RFWD3: variants seen among roughly 807,000 people sequenced by gnomAD.
RFWD3 encodes the protein ring finger and WD repeat domain 3, also known as E3 ubiquitin-protein ligase RFWD3.
Under a neutral mutation model 87.7 loss-of-function variants are expected in RFWD3, and 65 were observed. The observed-to-expected ratio is 0.74, with a 90% CI of 0.61 to 0.91. The LOEUF (loss-of-function observed/expected upper bound fraction) is 0.91. RFWD3 is among the 40% of genes least tolerant of loss of function. RFWD3 has a pLI of 0.00. For synonymous variants in RFWD3, 433 were observed against 352.8 expected, an observed-to-expected ratio of 1.23 and a Z score of -2.55; for missense variants, 1,078 against 938.5, an observed-to-expected ratio of 1.15 and a Z score of -1.94.
At chr16:74,639,132 G>A (rs575654375) in intron 6 of RFWD3, among the ~76,000 whole-genome samples, 9 of 150,594 alleles carry the variant, frequency 6.0e-5, no homozygotes, top group South Asian at 2.1e-4. Flanking sequence ...TCCGCCCCCC[G>A]GGTTCAAGAG....
At position 74,642,160 on chromosome 16, in the gene RFWD3, T is replaced by C. The variant is rs558435574; in HGVS notation, c.1079+2202A>G. Among the ~76,000 whole-genome samples, 5 of 152,218 alleles carry C rather than the reference T, an allele frequency of 3.3e-5. No homozygotes were observed. In the East Asian group the frequency reaches 9.7e-4, roughly 29 times the overall value. ...AAATTTGACACAGAGTCTTGCTCTG[T>C]TGCCCAGGCTGGAGTGCAGTGGCGC... On this transcript the variant is annotated intron_variant, in intron 6 of 12. Coordinates refer to ENST00000361070, the MANE Select transcript of RFWD3 (RefSeq NM_018124.4).
chr16:74,644,571 C>T lies in RFWD3; in HGVS notation c.957G>A (p.Trp319Ter), dbSNP rs1208030732. Residue 319 changes from tryptophan (W) to a stop codon, truncating the protein, a stop_gained, in exon 5 of 13, where the codon TGG becomes TGA. Transcript: ENST00000361070. LOFTEE classifies it high-confidence loss of function. Reference sequence around the variant, plus strand: ...GACATTTTCGTACTTGTCCTTTAAGCCACGTGGAAATGCACCTATACCCAA... The same window carrying T: ...GACATTTTCGTACTTGTCCTTTAAGTCACGTGGAAATGCACCTATACCCAA... ...HLFGYRCIST[W>*]LKGQVRKCPQ... 6.2e-7 allele frequency: 1 copy of T among 1,614,166 alleles called. No homozygotes were observed. Among genetic ancestry groups the T allele is most frequent in the African/African-American group, 1.3e-5 (1 of 75,024 alleles).
intron 8 of RFWD3, among the ~76,000 whole-genome samples, chr16:74,633,980 C>T (rs192477599): frequency 2.2e-4 from 33 of 149,072 alleles, no homozygotes; most frequent in Non-Finnish European, 3.4e-4. Flanking sequence ...ACTAGATCTT[C>T]TGTCAAAAAA....
chr16:74,645,014 C>G (rs1288176248), intron 4 of RFWD3, among the ~76,000 whole-genome samples: 1 of 152,110 alleles, frequency 6.6e-6, no homozygotes, highest in Admixed American at 6.5e-5. Flanking sequence ...TAAAGAATAG[C>G]AGCTATAAAA....
At chr16:74,625,862 G>A (rs1958916851) in intron 12 of RFWD3, among the ~76,000 whole-genome samples, 1 of 152,170 alleles carries the variant, frequency 6.6e-6, no homozygotes, top group Non-Finnish European at 1.5e-5. Context: ...ACTGGACAGT[G>A]CTACTCTAGG....
At chr16:74,654,049 A>ATG (rs1960778211) in intron 2 of RFWD3, among the ~76,000 whole-genome samples, 1 of 152,168 alleles carries the variant, frequency 6.6e-6, no homozygotes, top group Non-Finnish European at 1.5e-5. Flanking sequence ...GCATAACCAC[A>ATG]AGGTTATGTA....
At chr16:74,664,890 T>C (rs1175718219) in intron 1 of RFWD3, 3 of 152,246 alleles carry the variant, frequency 2.0e-5, no homozygotes, top group African/African-American at 7.2e-5. Context: ...CAAAGTTCTA[T>C]GGAACGGTGC....
intron 3 of RFWD3, 41 bp from the exon 4 acceptor site, chr16:74,649,243 C>G: frequency 7.0e-7 from 1 of 1,425,282 alleles, no homozygotes; most frequent in East Asian, 2.6e-5. Flanking sequence ...AGGTAAAATA[C>G]AAAATAAGAT....
intron 4 of RFWD3, among the ~76,000 whole-genome samples, chr16:74,647,024 C>T (rs946693096): frequency 6.6e-6 from 1 of 151,526 alleles, no homozygotes; most frequent in Non-Finnish European, 1.5e-5. Flanking sequence ...GAGGCGGAGC[C>T]TGCAGTGAGC....
chr16:74,644,285 C>T, intron 6 of RFWD3, 77 bp downstream of exon 6: 3 of 1,405,282 alleles, frequency 2.1e-6, no homozygotes, highest in East Asian at 2.3e-5. Flanking sequence ...CTACGAGTGA[C>T]TCATAACTTC....
Position 74,661,138 on chromosome 16 carries a change from C to T in RFWD3, c.312G>A (p.Gln104=). ...INPRTSEQHR[Q]GSDGNHTIPA... ...GGATGGTGTGATTACCATCAGATCC[C>T]TGCCTATGTTGTTCTGAAGTTCTTG... is the stretch of plus-strand genomic sequence containing the variant. Residue 104 remains glutamine (Q), a synonymous_variant, in exon 2 of 13, where the codon CAG becomes CAA. Coordinates refer to ENST00000361070, the MANE Select transcript of RFWD3 (RefSeq NM_018124.4). 6.2e-7 allele frequency: 1 copy of T among 1,614,190 alleles called. No homozygotes were observed. Among genetic ancestry groups the T allele is most frequent in the Non-Finnish European group, 8.5e-7 (1 of 1,180,038 alleles).
At chr16:74,632,317 G>A (rs544161943) in intron 9 of RFWD3, among the ~76,000 whole-genome samples, 1 of 151,888 alleles carries the variant, frequency 6.6e-6, no homozygotes, top group Admixed American at 6.6e-5. Flanking sequence ...GCCTGAACCC[G>A]GAAGGTGGAG....
At chr16:74,630,188 G>A (rs1014056652) in intron 10 of RFWD3, among the ~76,000 whole-genome samples, 26 of 152,104 alleles carry the variant, frequency 1.7e-4, no homozygotes, top group Admixed American at 1.4e-3. Flanking sequence ...CTCCGCCTCC[G>A]AGGCTCAATA....
At chr16:74,624,207 T>C in intron 12 of RFWD3, 136 bp from the exon 13 acceptor site, 2 of 1,029,022 alleles carry the variant, frequency 1.9e-6, no homozygotes, top group Non-Finnish European at 2.7e-6. Context: ...TCCCTAACCT[T>C]TGCAAGGTTG....
At chr16:74,630,158 C>A (rs530445787) in intron 10 of RFWD3, among the ~76,000 whole-genome samples, 4 of 152,036 alleles carry the variant, frequency 2.6e-5, no homozygotes, top group Admixed American at 1.3e-4. Flanking sequence ...TGCAACGGCG[C>A]AATCTCGGCT....
chr16:74,651,643 T>G (rs1960575494), intron 3 of RFWD3, among the ~76,000 whole-genome samples: 1 of 152,044 alleles, frequency 6.6e-6, no homozygotes, highest in African/African-American at 2.4e-5. Context: ...AAAAAAAGAA[T>G]CTACTTTCTC....
chr16:74,644,628 G>A lies in RFWD3; in HGVS notation c.900C>T (p.His300=). The change falls in exon 5 of 13, where the codon CAC becomes CAT. Residue 300 remains histidine, a synonymous_variant. Transcript: ENST00000361070. ...CLEQWTNAGD[H]RLSALRCGHL... ...GCCCACAGCGTAATGCTGAGAGCCG[G>A]TGGTCCCCAGCATTGGTCCACTGTT... The A allele has an allele frequency of 6.2e-7, 1 of 1,614,168 alleles. No individual in the cohort carries two copies. Among genetic ancestry groups the A allele is most frequent in the Non-Finnish European group, 8.5e-7 (1 of 1,180,026 alleles).
chr16:74,627,675 G>T (rs1187005249), intron 11 of RFWD3, among the ~76,000 whole-genome samples: 1 of 152,192 alleles, frequency 6.6e-6, no homozygotes, highest in African/African-American at 2.4e-5. Flanking sequence ...AAGGGTACCT[G>T]CCAGTACAAA....
chr16:74,653,806 C>G (rs1002299888), intron 2 of RFWD3, among the ~76,000 whole-genome samples: 3 of 152,130 alleles, frequency 2.0e-5, no homozygotes, highest in African/African-American at 7.2e-5. Flanking sequence ...AATAGTTTGG[C>G]TGCAATTTAT....
Sources: allele counts gnomAD v4.1 joint callset (sites outside exome capture counted in the v4.1 genomes callset), GRCh38; gene constraint gnomAD v4.1.1; transcripts MANE v1.5; gene names NCBI Gene and HGNC (gene_info 2026-07-23, HGNC 2026-07-21).